Variants in ABHD16A observed in about 807,000 individuals in gnomAD.
ABHD16A encodes abhydrolase domain containing 16A, phospholipase, also known as phosphatidylserine lipase ABHD16A.
ABHD16A carries 47 observed loss-of-function variants against 89.8 expected under a neutral mutation model. The observed-to-expected ratio is 0.52, with a 90% CI of 0.41 to 0.67. ABHD16A has a LOEUF of 0.67. Ranked by LOEUF, ABHD16A falls within the 30% of genes least tolerant of loss-of-function variation. The pLI, the probability that ABHD16A is intolerant of heterozygous loss-of-function variation, is 0.00. For missense variants in ABHD16A, 580 were observed against 734.6 expected (o/e 0.79, Z 2.43); for synonymous variants, 251 against 280.4 (o/e 0.90, Z 1.05).
chr6:31,691,310 T>C (rs1803854231), intron 9 of ABHD16A: 2 of 430,426 alleles, frequency 4.6e-6, no homozygotes, highest in Non-Finnish European at 8.4e-6. Context: ...ATGCTTCATA[T>C]ATATATGAGA....
chr6:31,689,742 C>T (rs1803678471), intron 11 of ABHD16A, 38 bp from the exon 12 acceptor site: 1 of 1,584,588 alleles, frequency 6.3e-7, no homozygotes, highest in African/African-American at 1.3e-5. Context: ...TGTGTCAGCA[C>T]CAAAGGCCAG....
In ABHD16A at chr6:31,688,020, C is replaced by T. The variant is rs781565726; in HGVS notation, c.1370+21G>A. ...CTGTGTGTGTACACTGCCCCCAGCG[C>T]GCACACACCCTGGCTCTCACCGATG... On this transcript the variant is annotated intron_variant, in intron 16 of 19. Coordinates refer to ENST00000395952, the MANE Select transcript of ABHD16A (RefSeq NM_021160.3). The surrounding 1 kb of genome is among the most constrained non-coding windows in gnomAD (Gnocchi z 4.9). The T allele has an allele frequency of 8.1e-6, 13 of 1,611,250 alleles. No homozygotes were observed. Among genetic ancestry groups the T allele is most frequent in the Admixed American group, 6.7e-5 (4 of 59,912 alleles).
intron 1 of ABHD16A, 99 bp from the exon 2 acceptor site, chr6:31,702,229 G>A: frequency 1.7e-6 from 2 of 1,165,006 alleles, no homozygotes; most frequent in Non-Finnish European, 1.3e-6. Context: ...TTCTAGTCTC[G>A]TTGACTATCT....
Position 31,693,458 on chromosome 6 carries a change from G to A in ABHD16A, c.430-26C>T. 6.2e-7 allele frequency: 1 copy of A among 1,611,604 alleles called. No homozygotes were observed. The highest frequency in any genetic ancestry group is 1.3e-5 in the African/African-American group (1 of 74,994). On this transcript the variant is annotated intron_variant, in intron 5 of 19. Transcript: ENST00000395952. The surrounding 1 kb of genome is among the most constrained non-coding windows in gnomAD (Gnocchi z 5.0). Reference sequence around the variant, plus strand: ...CTGCAGTGGGCACGAGAGGCAAAGGGGTACTGAGAACTCAGGGGAGGCTCT... The same window carrying A: ...CTGCAGTGGGCACGAGAGGCAAAGGAGTACTGAGAACTCAGGGGAGGCTCT...
intron 8 of ABHD16A, 59 bp from the exon 9 acceptor site, chr6:31,691,739 T>TGGGGG: frequency 1.1e-5 from 1 of 86,974 alleles, no homozygotes; most frequent in Non-Finnish European, 2.3e-5. Context: ...ATCACAGGGG[T>TGGGGG]GGGGCGGGGT....
rs749165214 is a variant in ABHD16A at position 31,688,138 on chromosome 6, G to C, written c.1308-35C>G. The C allele has an allele frequency of 2.5e-6, 4 of 1,606,856 alleles. No homozygotes were observed. Among genetic ancestry groups the C allele is most frequent in the Non-Finnish European group, 3.4e-6 (4 of 1,175,130 alleles). The stretch of plus-strand genomic sequence containing the variant: ...AGAAGAATGTACCCTGGAGGGGCTG[G>C]AGGTTAGGAGGAAGGGTCTAGATAC... On this transcript the variant is annotated intron_variant, in intron 15 of 19. Coordinates refer to ENST00000395952, the MANE Select transcript of ABHD16A (RefSeq NM_021160.3). This position sits in a 1 kb window ranked among gnomAD's most constrained non-coding sequence, Gnocchi z 4.9.
Position 31,688,002 on chromosome 6 carries a change from T to C in ABHD16A, c.1370+39A>G, listed in dbSNP as rs755686569. ...CTGTGCTGGTATCAGTATCTGTGTG[T>C]GTACACTGCCCCCAGCGCGCACACA... On this transcript the variant is annotated intron_variant, in intron 16 of 19. Coordinates refer to ENST00000395952, the MANE Select transcript of ABHD16A (RefSeq NM_021160.3). The surrounding 1 kb of genome is among the most constrained non-coding windows in gnomAD (Gnocchi z 4.9). The C allele has an allele frequency of 1.2e-6, 2 of 1,611,992 alleles. No individual in the cohort carries two copies. Among genetic ancestry groups the C allele is most frequent in the Non-Finnish European group, 1.7e-6 (2 of 1,179,228 alleles).
intron 1 of ABHD16A, chr6:31,702,679 G>A: frequency 1.3e-6 from 2 of 1,545,618 alleles, no homozygotes; most frequent in South Asian, 2.4e-5. Flanking sequence ...GGGGTTGAGG[G>A]GAGGACCGAC....
Position 31,688,502 on chromosome 6 carries a change from C to T in ABHD16A, c.1251-197G>A, listed in dbSNP as rs1185407523. 9 of 769,988 alleles carry T rather than the reference C, an allele frequency of 1.2e-5. No homozygotes were observed. The highest frequency in any genetic ancestry group is 2.7e-5 in the East Asian group (1 of 37,300). 47.7% of individuals were successfully genotyped at this position (769,988 alleles called of 1,614,324 possible). ...TCTGGCCCTGCTGGGAGACCCCTGC[C>T]GTGCCAGGCCTTAACCCTTTGGTTG... On this transcript the variant is annotated intron_variant, in intron 14 of 19. Coordinates refer to ENST00000395952, the MANE Select transcript of ABHD16A (RefSeq NM_021160.3). The surrounding 1 kb of genome is among the most constrained non-coding windows in gnomAD (Gnocchi z 4.9).
At chr6:31,692,799 C>A in intron 7 of ABHD16A, 1 of 228,410 alleles carries the variant, frequency 4.4e-6, no homozygotes, top group Non-Finnish European at 8.2e-6. Context: ...AGCTTTTGTT[C>A]ATATCCCAGT....
rs545858675 is a variant in ABHD16A, at chr6:31,691,304, T to G, written c.843+275A>C. ...TCTTTTGAGAATTAAATATATATGC[T>G]TCATATATATATGAGAATTAAATAT... On this transcript the variant is annotated intron_variant, in intron 9 of 19. Transcript: ENST00000395952. The G allele has an allele frequency of 1.8e-4, 76 of 416,776 alleles. 2 individuals carry two copies. The South Asian group carries it at 3.5e-3, about 19-fold the overall frequency. The allele number at this position is 416,776 out of a possible 1,614,324, so 25.8% of individuals were successfully genotyped here.
intron 8 of ABHD16A, 54 bp downstream of exon 8, chr6:31,691,750 G>A (rs1803901133): frequency 1.3e-6 from 2 of 1,536,450 alleles, no homozygotes; most frequent in African/African-American, 2.7e-5. Context: ...GGGGCGGGGT[G>A]GGTGGGGGTG....
chr6:31,696,608 G>A (rs1337820404), intron 5 of ABHD16A, among the ~76,000 whole-genome samples: 1 of 151,512 alleles, frequency 6.6e-6, no homozygotes, highest in Non-Finnish European at 1.5e-5. Context: ...ACTCCAGCCT[G>A]GGCAACAAGA....
At chr6:31,689,269 G>A (rs543316915) in intron 12 of ABHD16A, 150 bp from the exon 13 acceptor site, 3 of 790,074 alleles carry the variant, frequency 3.8e-6, no homozygotes, top group African/African-American at 3.5e-5. Flanking sequence ...CTTGGTTAGG[G>A]AACTATCTGG....
At position 31,687,224 on chromosome 6, in the gene ABHD16A, G is replaced by A; in HGVS notation, c.1665C>T (p.Pro555=). ...TCCCAGTTGGTCCCTAGAGGTGCCAGGGCATCTGGAAGTTCTGGGCTGGGA... is the reference window on the plus strand; with the variant it reads ...TCCCAGTTGGTCCCTAGAGGTGCCAAGGCATCTGGAAGTTCTGGGCTGGGA... ...TPLPAQNFQM[P]WHL Residue 555 remains proline, a synonymous_variant, in exon 20 of 20, where the codon CCC becomes CCT. Coordinates refer to ENST00000395952, the MANE Select transcript of ABHD16A (RefSeq NM_021160.3). The surrounding 1 kb of genome is among the most constrained non-coding windows in gnomAD (Gnocchi z 6.3). The A allele has an allele frequency of 6.2e-7, 1 of 1,612,866 alleles. No homozygotes were observed. Among genetic ancestry groups the A allele is most frequent in the African/African-American group, 1.3e-5 (1 of 75,010 alleles).
intron 2 of ABHD16A, 90 bp from the exon 3 acceptor site, chr6:31,701,430 G>T: frequency 9.2e-7 from 1 of 1,085,788 alleles, no homozygotes; most frequent in Non-Finnish European, 1.4e-6. Flanking sequence ...TGAGCAAGAT[G>T]GACAACCTGA....
chr6:31,697,149 A>C lies in ABHD16A; in HGVS notation c.344-116T>G, dbSNP rs951232773. On this transcript the variant is annotated intron_variant, in intron 4 of 19. Coordinates refer to ENST00000395952, the MANE Select transcript of ABHD16A (RefSeq NM_021160.3). ...AGGCCCTGTAAGAAAAAGTGAAAGA[A>C]AAAGGAACTGAGGGCATAGGATGCG... 4.3e-5 allele frequency: 40 copies of C among 925,068 alleles called. No homozygotes were observed. In the African/African-American group the frequency reaches 6.3e-4, roughly 15 times the overall value. 57.3% of individuals were successfully genotyped at this position (925,068 alleles called of 1,614,324 possible). A position where few individuals can be genotyped will look rare whatever the true frequency, so the allele number is the denominator to read the frequency against.
At position 31,693,401 on chromosome 6, in the gene ABHD16A, CG is replaced by C; in HGVS notation, c.460del (p.Arg154GlyfsTer63). On this transcript the variant is annotated frameshift_variant, in exon 6 of 20. Coordinates refer to ENST00000395952, the MANE Select transcript of ABHD16A (RefSeq NM_021160.3). LOFTEE classifies it high-confidence loss of function. The surrounding 1 kb of genome is among the most constrained non-coding windows in gnomAD (Gnocchi z 5.0). ...RQLANYNFDF[R>X]SWPVDFHWEE... ...CCAGTGGAAGTCGACTGGCCAGCTCCGGAAGTCAAAGTTGTAGTTGGCAAGC... is the reference window on the plus strand; with the variant it reads ...CCAGTGGAAGTCGACTGGCCAGCTCCGAAGTCAAAGTTGTAGTTGGCAAGC... 1 of 1,613,002 alleles carries C rather than the reference CG, an allele frequency of 6.2e-7. No individual in the cohort carries two copies. Among genetic ancestry groups the C allele is most frequent in the Non-Finnish European group, 8.5e-7 (1 of 1,180,004 alleles).
Position 31,703,163 on chromosome 6 carries a change from TG to T in ABHD16A, c.118del (p.His40IlefsTer49), listed in dbSNP as rs1431816401. The T allele has an allele frequency of 4.2e-6, 6 of 1,430,998 alleles. No individual in the cohort carries two copies. Among genetic ancestry groups the T allele is most frequent in the Admixed American group, 2.7e-5 (1 of 37,396 alleles). The allele number at this position is 1,430,998 out of a possible 1,614,324, so 88.6% of individuals were successfully genotyped here. ...AACTCGACTCACCCAGGAGCTGGAA[TG>T]GGGGGCAGTGACTGCCGTTGGCGTC... is the stretch of plus-strand genomic sequence containing the variant. ...PETPTAVTAPHSSSWDTYYQP... is the reference protein window; with the variant it reads ...PETPTAVTAPXSSSWDTYYQP... On this transcript the variant is annotated frameshift_variant, in exon 1 of 20. Transcript: ENST00000395952. LOFTEE classifies it high-confidence loss of function.
Sources: allele counts gnomAD v4.1 joint callset (sites outside exome capture counted in the v4.1 genomes callset), GRCh38; gene constraint gnomAD v4.1.1; non-coding constraint Gnocchi (gnomAD v3.1); transcripts MANE v1.5; gene names NCBI Gene and HGNC (gene_info 2026-07-23, HGNC 2026-07-21).